The following ENPEP variants were observed in gnomAD, a reference collection of about 807,000 sequenced individuals.
ENPEP encodes glutamyl aminopeptidase, also known as AP-A.
ENPEP carries 103 observed loss-of-function variants against 114.5 expected under a neutral mutation model. The ratio of observed to expected loss-of-function variants is 0.90; its 90% CI spans 0.77 to 1.06. The LOEUF (loss-of-function observed/expected upper bound fraction) is 1.06. Ranked by LOEUF, ENPEP falls within the 50% of genes least tolerant of loss-of-function variation. The probability of loss-of-function intolerance (pLI) is 0.00; values close to 1 mark genes in which losing one functional copy is unlikely to be tolerated. For missense variants in ENPEP, 1,196 were observed against 1,161.3 expected, an observed-to-expected ratio of 1.03 and a Z score of -0.43; for synonymous variants, 420 against 422.0, an observed-to-expected ratio of 1.00 and a Z score of 0.06.
chr4:110,541,907 C>CA (rs760064614), intron 11 of ENPEP, among the ~76,000 whole-genome samples: 2 of 152,074 alleles, frequency 1.3e-5, no homozygotes, highest in Non-Finnish European at 2.9e-5. Flanking sequence ...ATGGTTATAT[C>CA]AAAGCATAGC....
At chr4:110,482,039 A>G (rs1724328670) in intron 1 of ENPEP, among the ~76,000 whole-genome samples, 1 of 152,068 alleles carries the variant, frequency 6.6e-6, no homozygotes, top group African/African-American at 2.4e-5. Context: ...ACTGAGGAAA[A>G]CCCTTACGGA....
chr4:110,509,789 C>T lies in ENPEP; in HGVS notation c.1176C>T (p.Ala392=), dbSNP rs1260561451. ...AACAGAGGGTGGCCACTGTGGTTGC[C>T]CATGAACTTGTGCATCAGGTACAGA... ...SNQQRVATVV[A]HELVHQWFGN... Residue 392 remains alanine, a synonymous_variant, in exon 5 of 20, where the codon GCC becomes GCT. Transcript: ENST00000265162. 5 of 1,613,320 alleles carry T rather than the reference C, an allele frequency of 3.1e-6. No individual in the cohort carries two copies. Among genetic ancestry groups the T allele is most frequent in the Non-Finnish European group, 4.2e-6 (5 of 1,179,860 alleles).
chr4:110,542,604 G>A, intron 11 of ENPEP, 147 bp from the exon 12 acceptor site: 1 of 652,102 alleles, frequency 1.5e-6, no homozygotes, highest in Non-Finnish European at 2.4e-6. Flanking sequence ...GTAAAAATTA[G>A]GCTTTGGGTT....
At chr4:110,534,811 T>C (rs988583728) in intron 11 of ENPEP, among the ~76,000 whole-genome samples, 14 of 151,978 alleles carry the variant, frequency 9.2e-5, no homozygotes, top group African/African-American at 3.4e-4. Flanking sequence ...GCCTGGCCTC[T>C]CTTTTTTTTT....
At chr4:110,509,514 A>T in intron 4 of ENPEP, 139 bp from the exon 5 acceptor site, 3 of 1,099,000 alleles carry the variant, frequency 2.7e-6, no homozygotes, top group Non-Finnish European at 1.2e-6. Flanking sequence ...ATGTTCGCAC[A>T]CATGATTACA....
rs747623392 is a variant in ENPEP, at chr4:110,476,459, A to G, written c.45A>G (p.Gln15=). The change falls in exon 1 of 20, where the codon CAA becomes CAG. Residue 15 remains glutamine, a synonymous_variant. Coordinates refer to ENST00000265162, the MANE Select transcript of ENPEP (RefSeq NM_001977.4). ...EREGSKRYCI[Q]TKHVAILCAV... is the part of the protein sequence containing the mutation. ...AGGGCTCTAAGAGATACTGCATTCAAACGAAACATGTGGCCATTCTCTGTG... is the reference window on the plus strand; with the variant it reads ...AGGGCTCTAAGAGATACTGCATTCAGACGAAACATGTGGCCATTCTCTGTG... The G allele has an allele frequency of 4.2e-5, 65 of 1,548,680 alleles. No homozygotes were observed. Among genetic ancestry groups the G allele is most frequent in the Non-Finnish European group, 5.7e-5 (65 of 1,145,226 alleles).
chr4:110,515,884 CAGAGAGAGAGAG>C (rs139525131), intron 8 of ENPEP: 1 of 371,140 alleles, frequency 2.7e-6, no homozygotes, highest in Non-Finnish European at 5.5e-6. Context: ...GTCCTCATAG[CAGAGAGAGAGAG>C]AGGGAGAGAG....
At chr4:110,498,615 A>G (rs908402597) in intron 3 of ENPEP, among the ~76,000 whole-genome samples, 4 of 152,174 alleles carry the variant, frequency 2.6e-5, no homozygotes, top group Admixed American at 6.5e-5. Context: ...ATAGACAAGG[A>G]CAATAAGGAT....
At chr4:110,559,766 AGAAT>A (rs1341833193) in intron 19 of ENPEP, 41 bp downstream of exon 19, 1 of 1,527,666 alleles carries the variant, frequency 6.5e-7, no homozygotes, top group Admixed American at 1.8e-5. Flanking sequence ...AAGAAGGAGC[AGAAT>A]GAAACTTTTT....
intron 8 of ENPEP, chr4:110,519,314 G>A: frequency 4.1e-6 from 1 of 243,106 alleles, no homozygotes; most frequent in Admixed American, 4.5e-5. Context: ...GAACACTGAA[G>A]ATGGTTCCAT....
chr4:110,503,780 G>A (rs1055473108), intron 3 of ENPEP, among the ~76,000 whole-genome samples: 3 of 152,178 alleles, frequency 2.0e-5, no homozygotes, highest in Non-Finnish European at 4.4e-5. Flanking sequence ...CGAAGTGTTT[G>A]TGCTGGGTCA....
At chr4:110,526,688 C>T (rs1044134698) in intron 10 of ENPEP, among the ~76,000 whole-genome samples, 8 of 152,140 alleles carry the variant, frequency 5.3e-5, no homozygotes, top group Non-Finnish European at 1.0e-4. Context: ...TTTCAAAGCT[C>T]TCCTCTTGCT....
intron 6 of ENPEP, among the ~76,000 whole-genome samples, 175 bp downstream of exon 6, chr4:110,510,533 G>A (rs540053148): frequency 8.6e-4 from 129 of 150,848 alleles, no homozygotes; most frequent in Non-Finnish European, 1.5e-3. Context: ...CCTTGCCCCA[G>A]TACCTAGAAG....
intron 10 of ENPEP, 126 bp from the exon 11 acceptor site, chr4:110,531,072 G>T (rs537523274): frequency 2.4e-4 from 107 of 445,580 alleles, no homozygotes; most frequent in Middle Eastern, 2.0e-3. Context: ...CATTAATTGT[G>T]TAGTATGGAC....
chr4:110,549,918 T>C, intron 17 of ENPEP, 32 bp downstream of exon 17: 1 of 1,533,678 alleles, frequency 6.5e-7, no homozygotes, highest in African/African-American at 1.4e-5. Flanking sequence ...CATATATAAA[T>C]AGTATTTAAT....
At position 110,542,065 on chromosome 4, in the gene ENPEP, G is replaced by A. The variant is rs1193797135; in HGVS notation, c.1808-686G>A. Among the ~76,000 whole-genome samples, 6 of 152,098 alleles carry A rather than the reference G, an allele frequency of 3.9e-5. No homozygotes were observed. The South Asian group carries it at 1.2e-3, about 31-fold the overall frequency. On this transcript the variant is annotated intron_variant, in intron 11 of 19. Coordinates refer to ENST00000265162, the MANE Select transcript of ENPEP (RefSeq NM_001977.4). The stretch of plus-strand genomic sequence containing the variant: ...ATTTGATAAATCCATTGATGGAAAA[G>A]TATTGTTGTAACCAACTGAAATAGG...
At chr4:110,559,798 T>A in intron 19 of ENPEP, 73 bp downstream of exon 19, 1 of 1,241,538 alleles carries the variant, frequency 8.1e-7, no homozygotes, top group Non-Finnish European at 1.2e-6. Context: ...AATTTTACTT[T>A]AAGTTCTGGA....
In ENPEP at chr4:110,509,806, A is replaced by G. The variant is rs1725508516; in HGVS notation, c.1193A>G (p.Gln398Arg). The change falls in exon 5 of 20, where the codon CAG becomes CGG. Residue 398 changes from glutamine to arginine, a missense_variant and splice_region_variant. Coordinates refer to ENST00000265162, the MANE Select transcript of ENPEP (RefSeq NM_001977.4). Reference protein sequence around the residue: ...ATVVAHELVHQWFGNIVTMDW... With the variant: ...ATVVAHELVHRWFGNIVTMDW... ...GTGGTTGCCCATGAACTTGTGCATC[A>G]GGTACAGAATCTTAGCACTGAATCA... is the stretch of plus-strand genomic sequence containing the variant. 6.2e-7 allele frequency: 1 copy of G among 1,612,666 alleles called. No homozygotes were observed. Among genetic ancestry groups the G allele is most frequent in the Non-Finnish European group, 8.5e-7 (1 of 1,179,712 alleles).
chr4:110,523,175 T>C (rs1726069758), intron 10 of ENPEP, among the ~76,000 whole-genome samples: 1 of 152,048 alleles, frequency 6.6e-6, no homozygotes, highest in Non-Finnish European at 1.5e-5. Flanking sequence ...TGGTCAACTA[T>C]AAAAAAGAAA....
Sources: gnomAD v4.1 joint callset for allele counts (sites outside exome capture counted in the v4.1 genomes callset) on GRCh38, gnomAD v4.1.1 for gene constraint, MANE v1.5 for transcripts, NCBI Gene and HGNC (gene_info 2026-07-23, HGNC 2026-07-21) for gene names.